ECHDC1: variants seen among roughly 807,000 people sequenced by gnomAD.
The protein encoded by ECHDC1 is ethylmalonyl-CoA decarboxylase.
In ECHDC1, 29 loss-of-function variants were observed where a neutral mutation model predicts 29.7. The ratio of observed to expected loss-of-function variants is 0.98; its 90% CI spans 0.73 to 1.33. The LOEUF is 1.33. ECHDC1 is among the 40% of genes most tolerant of loss of function. ECHDC1 has a pLI of 0.00. For missense variants in ECHDC1, 328 were observed against 350.0 expected (o/e 0.94, Z 0.50); for synonymous variants, 126 against 123.1 (o/e 1.02, Z -0.15).
At chr6:127,332,613 G>A (rs13218061) in intron 1 of ECHDC1, among the ~76,000 whole-genome samples, 110,873 of 152,004 alleles carry the variant, frequency 0.73, 40,616 homozygotes, top group East Asian at 0.78. Context: ...GAGTTCTTCC[G>A]GGTCACAGGT....
chr6:127,290,182 C>G lies in ECHDC1; in HGVS notation c.593G>C (p.Gly198Ala). ...CAACACTTTGAGAGCTTGTCTACTTCCGATTATTTCAACTAGCCGGGTGGT... is the reference window on the plus strand; with the variant it reads ...CAACACTTTGAGAGCTTGTCTACTTGCGATTATTTCAACTAGCCGGGTGGT... ...GGTTRLVEII[G>A]SRQALKVLSG... is the part of the protein sequence containing the mutation. The change falls in exon 6 of 6, where the codon GGA becomes GCA. Residue 198 changes from glycine (G) to alanine (A), a missense_variant. Gly to Ala is a moderately conservative substitution (Grantham distance 60, BLOSUM62 0). Transcript: ENST00000454859. The G allele has an allele frequency of 6.2e-7, 1 of 1,613,678 alleles. No individual in the cohort carries two copies. Among genetic ancestry groups the G allele is most frequent in the Non-Finnish European group, 8.5e-7 (1 of 1,179,768 alleles).
At position 127,328,786 on chromosome 6, in the gene ECHDC1, G is replaced by T. The variant is rs1783609739; in HGVS notation, c.221-1642C>A. Among the ~76,000 whole-genome samples, 3 of 152,116 alleles carry T rather than the reference G, an allele frequency of 2.0e-5. No homozygotes were observed. In the South Asian group the frequency reaches 6.2e-4, roughly 31 times the overall value. ...TCACGCCTGTAATCCCAGCACTTTGGGAGGCCAAGGCGGGCAGATCACGAG... is the reference window on the plus strand; with the variant it reads ...TCACGCCTGTAATCCCAGCACTTTGTGAGGCCAAGGCGGGCAGATCACGAG... On this transcript the variant is annotated intron_variant, in intron 2 of 5. Transcript: ENST00000454859.
At chr6:127,328,884 G>A (rs1015213817) in intron 2 of ECHDC1, among the ~76,000 whole-genome samples, 186 of 152,064 alleles carry the variant, frequency 1.2e-3, no homozygotes, top group African/African-American at 4.2e-3. Flanking sequence ...AAAACTAGCC[G>A]GGCGTGGTGG....
chr6:127,293,929 G>A (rs181901535), intron 5 of ECHDC1, among the ~76,000 whole-genome samples: 17 of 152,188 alleles, frequency 1.1e-4, no homozygotes, highest in South Asian at 2.1e-4. Context: ...CTTCTTCTTC[G>A]ATGTTGGTTT....
At chr6:127,307,198 G>C (rs1227552685) in intron 5 of ECHDC1, among the ~76,000 whole-genome samples, 1 of 152,072 alleles carries the variant, frequency 6.6e-6, no homozygotes, top group African/African-American at 2.4e-5. Context: ...ATAGCTATAA[G>C]TGCCTACATC....
intron 5 of ECHDC1, among the ~76,000 whole-genome samples, chr6:127,301,161 C>T (rs1013775395): frequency 6.6e-6 from 1 of 152,198 alleles, no homozygotes; most frequent in Non-Finnish European, 1.5e-5. Context: ...GAATATTTTA[C>T]ATGAAAAGTA....
In ECHDC1 at chr6:127,315,191, T is replaced by C. The variant is rs368006427; in HGVS notation, c.417-295A>G. The stretch of plus-strand genomic sequence containing the variant: ...AGCCATATTGTAACTTACTCCCAAA[T>C]AAATGGATGCTTTTGTCTAATTTAC... On this transcript the variant is annotated intron_variant, in intron 4 of 5. Transcript: ENST00000454859. 22 of 529,050 alleles carry C rather than the reference T, an allele frequency of 4.2e-5. No homozygotes were observed. In the East Asian group the frequency reaches 5.7e-4, roughly 14 times the overall value. 32.8% of individuals were successfully genotyped at this position (529,050 alleles called of 1,614,324 possible).
chr6:127,299,251 G>A (rs1780865957), intron 5 of ECHDC1, among the ~76,000 whole-genome samples: 1 of 151,994 alleles, frequency 6.6e-6, no homozygotes, highest in South Asian at 2.1e-4. Flanking sequence ...AGGTCCTTCA[G>A]GAGGAATTCC....
At chr6:127,338,846 A>AG (rs955394171) in intron 1 of ECHDC1, among the ~76,000 whole-genome samples, 1 of 152,198 alleles carries the variant, frequency 6.6e-6, no homozygotes, top group African/African-American at 2.4e-5. Context: ...ATACCAGTTG[A>AG]GTCACCTAAC....
At chr6:127,339,259 C>G (rs765577806) in intron 1 of ECHDC1, among the ~76,000 whole-genome samples, 1 of 148,872 alleles carries the variant, frequency 6.7e-6, no homozygotes, top group Non-Finnish European at 1.5e-5. Flanking sequence ...TCATGCACAA[C>G]CAGAAAACAT....
chr6:127,303,350 G>A (rs902520732), intron 5 of ECHDC1, among the ~76,000 whole-genome samples: 1 of 152,180 alleles, frequency 6.6e-6, no homozygotes, highest in African/African-American at 2.4e-5. Context: ...CAACAGGAAA[G>A]TTCTTGAAGG....
intron 3 of ECHDC1, among the ~76,000 whole-genome samples, chr6:127,319,336 G>A (rs1047887970): frequency 7.2e-5 from 11 of 152,062 alleles, no homozygotes; most frequent in Non-Finnish European, 1.6e-4. Context: ...TTTTATTAAG[G>A]GAGCTAGTAA....
intron 1 of ECHDC1, among the ~76,000 whole-genome samples, chr6:127,338,312 A>G (rs1415656344): frequency 6.6e-6 from 1 of 152,194 alleles, no homozygotes; most frequent in Non-Finnish European, 1.5e-5. Context: ...GCACACATAA[A>G]GCAAAAATAA....
At chr6:127,335,501 GA>G (rs1364963969) in intron 1 of ECHDC1, among the ~76,000 whole-genome samples, 1 of 151,632 alleles carries the variant, frequency 6.6e-6, no homozygotes, top group Non-Finnish European at 1.5e-5. Context: ...ATTTTTCCAA[GA>G]AAAAAAAGAT....
At chr6:127,311,669 C>CAAAAAAAAAAAAAAAAAAAAAAAAAAA (rs71272311) in intron 5 of ECHDC1, among the ~76,000 whole-genome samples, 12 of 25,052 alleles carry the variant, frequency 4.8e-4, no homozygotes, top group African/African-American at 7.5e-4. Flanking sequence ...GGCTCTGTCT[C>CAAAAAAAAAAAAAAAAAAAAAAAAAAA]AAAAAAAAAA....
At chr6:127,342,665 C>T (rs1468922471) in intron 1 of ECHDC1, 3 of 362,392 alleles carry the variant, frequency 8.3e-6, no homozygotes, top group African/African-American at 2.0e-5. Context: ...TATACAGGAG[C>T]CCAGATGTGG....
chr6:127,339,873 G>A (rs900372860), intron 1 of ECHDC1, among the ~76,000 whole-genome samples: 2 of 152,032 alleles, frequency 1.3e-5, no homozygotes, highest in South Asian at 2.1e-4. Flanking sequence ...TACAAGTGAG[G>A]GTATCATAGT....
chr6:127,327,747 C>T (rs1167540325), intron 2 of ECHDC1, among the ~76,000 whole-genome samples: 1 of 152,150 alleles, frequency 6.6e-6, no homozygotes, highest in East Asian at 1.9e-4. Flanking sequence ...CACAGGCCTA[C>T]CAACCATTGA....
At chr6:127,309,546 T>C (rs1434585414) in intron 5 of ECHDC1, among the ~76,000 whole-genome samples, 2 of 127,700 alleles carry the variant, frequency 1.6e-5, no homozygotes. Flanking sequence ...CAGGAAAAAA[T>C]AGATTAAAGA....
Sources: gnomAD v4.1 joint callset for allele counts (sites outside exome capture counted in the v4.1 genomes callset) on GRCh38, gnomAD v4.1.1 for gene constraint, MANE v1.5 for transcripts, NCBI Gene and HGNC (gene_info 2026-07-23, HGNC 2026-07-21) for gene names.